Variants in MAP3K4 observed in about 807,000 individuals in gnomAD.
MAP3K4 encodes MAP three kinase 1.
Under a neutral mutation model 185.6 loss-of-function variants are expected in MAP3K4, and 67 were observed. The ratio of observed to expected loss-of-function variants is 0.36; its 90% CI spans 0.30 to 0.44. MAP3K4 has a LOEUF of 0.44. MAP3K4 is among the 20% of genes least tolerant of loss of function. The pLI is 1.00. For missense variants in MAP3K4, 1,551 were observed against 1,995.1 expected (o/e 0.78, Z 4.24); for synonymous variants, 702 against 710.4 (o/e 0.99, Z 0.19).
intron 1 of MAP3K4, among the ~76,000 whole-genome samples, chr6:161,012,815 G>A (rs942771981): frequency 2.6e-5 from 4 of 151,860 alleles, no homozygotes; most frequent in African/African-American, 4.8e-5. Context: ...GGTGGGAGGA[G>A]GTCCTTTAGG....
intron 2 of MAP3K4, among the ~76,000 whole-genome samples, chr6:161,039,675 T>G (rs929792277): frequency 1.3e-5 from 2 of 152,184 alleles, no homozygotes; most frequent in African/African-American, 2.4e-5. Flanking sequence ...AAATTAGAGA[T>G]AAAACATTGG....
chr6:161,033,529 A>G (rs1783024013), intron 1 of MAP3K4, among the ~76,000 whole-genome samples: 1 of 104,216 alleles, frequency 9.6e-6, no homozygotes, highest in African/African-American at 3.8e-5. Context: ...TTCCTCTTTT[A>G]CATCATCCTT....
Position 161,115,492 on chromosome 6 carries a change from C to T in MAP3K4, c.4806+190C>T, listed in dbSNP as rs1310494763. Among the ~76,000 whole-genome samples the T allele has an allele frequency of 6.6e-6, 1 of 152,132 alleles. No homozygotes were observed. The highest frequency in any genetic ancestry group is 2.4e-5 in the African/African-American group (1 of 41,414). ...GAAAATGTTCATTGAGGTTCTTCCACTTGATCTGTTTTGATGGTGCATTTA... is the reference window on the plus strand; with the variant it reads ...GAAAATGTTCATTGAGGTTCTTCCATTTGATCTGTTTTGATGGTGCATTTA... On this transcript the variant is annotated intron_variant, in intron 26 of 26. Transcript: ENST00000392142. This position sits in a 1 kb window ranked among gnomAD's most constrained non-coding sequence, Gnocchi z 6.0.
intron 1 of MAP3K4, among the ~76,000 whole-genome samples, chr6:161,018,232 A>C (rs1024146646): frequency 6.6e-6 from 1 of 152,208 alleles, no homozygotes; most frequent in Non-Finnish European, 1.5e-5. Flanking sequence ...GGAAGGAGTG[A>C]TCTAGAAAAA....
Position 161,117,015 on chromosome 6 carries a change from C to T in MAP3K4, c.*145C>T. On this transcript the variant is annotated 3_prime_UTR_variant, in exon 27 of 27. Transcript: ENST00000392142. The stretch of plus-strand genomic sequence containing the variant: ...CAGGTGACAAGCGTCACTTCTCCTG[C>T]TGCTCCTGTTTGTCTGATGTGGCAA... 2 of 736,648 alleles carry T rather than the reference C, an allele frequency of 2.7e-6. No individual in the cohort carries two copies. Among genetic ancestry groups the T allele is most frequent in the Non-Finnish European group, 2.3e-6 (1 of 444,120 alleles). The allele number at this position is 736,648 out of a possible 1,614,324, so 45.6% of individuals were successfully genotyped here.
intron 5 of MAP3K4, among the ~76,000 whole-genome samples, chr6:161,079,512 G>T (rs543282242): frequency 6.6e-6 from 1 of 152,336 alleles, no homozygotes; most frequent in African/African-American, 2.4e-5. Flanking sequence ...GGGAGGCAGA[G>T]GTTGCGGTGA....
Position 161,075,741 on chromosome 6 carries a change from AC to A in MAP3K4, c.2097+2130del, listed in dbSNP as rs1252357784. On this transcript the variant is annotated intron_variant, in intron 5 of 26. Transcript: ENST00000392142. The surrounding 1 kb of genome is among the most constrained non-coding windows in gnomAD (Gnocchi z 4.3). ...GAAGTCTAGGCTAAGTGACTTACCAACATTCACAGCTGGTTAGTTTTAGAAA... is the reference window on the plus strand; with the variant it reads ...GAAGTCTAGGCTAAGTGACTTACCAAATTCACAGCTGGTTAGTTTTAGAAA... Among the ~76,000 whole-genome samples the A allele has an allele frequency of 6.6e-6, 1 of 152,176 alleles. No individual in the cohort carries two copies. Among genetic ancestry groups the A allele is most frequent in the African/African-American group, 2.4e-5 (1 of 41,442 alleles).
chr6:161,015,137 T>C (rs938704876), intron 1 of MAP3K4, among the ~76,000 whole-genome samples: 1 of 152,208 alleles, frequency 6.6e-6, no homozygotes, highest in African/African-American at 2.4e-5. Context: ...TGTATCTTTG[T>C]CCATTTGTAT....
Position 161,054,106 on chromosome 6 carries a change from C to G in MAP3K4, c.1707+4127C>G, listed in dbSNP as rs921654164. On this transcript the variant is annotated intron_variant, in intron 3 of 26. Transcript: ENST00000392142. The surrounding 1 kb of genome is among the most constrained non-coding windows in gnomAD (Gnocchi z 4.2). ...TTACGTTACTTATAACCAGTGTTTG[C>G]AAAGCACATGTGATCTTACATTTAA... Among the ~76,000 whole-genome samples, 7 of 152,160 alleles carry G rather than the reference C, an allele frequency of 4.6e-5. No individual in the cohort carries two copies.
rs556320959 is a variant in MAP3K4, at chr6:161,106,383, T to C, written c.3857-131T>C. ...GAAGAACTTTAATTCACCTGCTGTT[T>C]ATCTGAATAGATAATAAGCTTTGCT... On this transcript the variant is annotated intron_variant, in intron 19 of 26. Coordinates refer to ENST00000392142, the MANE Select transcript of MAP3K4 (RefSeq NM_005922.4). The surrounding 1 kb of genome is among the most constrained non-coding windows in gnomAD (Gnocchi z 4.9). The C allele has an allele frequency of 1.6e-6, 1 of 611,466 alleles. No individual in the cohort carries two copies. Among genetic ancestry groups the C allele is most frequent in the Non-Finnish European group, 2.8e-6 (1 of 357,930 alleles). The allele number at this position is 611,466 out of a possible 1,614,324, so 37.9% of individuals were successfully genotyped here.
chr6:161,101,931 A>C lies in MAP3K4; in HGVS notation c.3714A>C (p.Ile1238=). 17 of 1,614,166 alleles carry C rather than the reference A, an allele frequency of 1.1e-5. No individual in the cohort carries two copies. Among genetic ancestry groups the C allele is most frequent in the Non-Finnish European group, 1.4e-5 (16 of 1,180,008 alleles). Residue 1238 remains isoleucine, a synonymous_variant, in exon 18 of 27, where the codon ATA becomes ATC. Transcript: ENST00000392142. This position sits in a 1 kb window ranked among gnomAD's most constrained non-coding sequence, Gnocchi z 5.1. ...SVPENDRLAS[I]AAELQFRSLS... is the part of the protein sequence containing the mutation. ...CTGAAAATGATCGATTGGCTTCCATAGCTGCTGAATTGCAGTTTAGGTCCC... is the reference window on the plus strand; with the variant it reads ...CTGAAAATGATCGATTGGCTTCCATCGCTGCTGAATTGCAGTTTAGGTCCC...
intron 15 of MAP3K4, among the ~76,000 whole-genome samples, chr6:161,095,672 A>G (rs1219840731): frequency 1.3e-5 from 2 of 152,172 alleles, no homozygotes; most frequent in African/African-American, 2.4e-5. Flanking sequence ...TTCATTGGCC[A>G]CACTGTGGCC....
Position 161,107,818 on chromosome 6 carries a change from G to A in MAP3K4, c.4049-81G>A. 1.1e-6 allele frequency: 1 copy of A among 899,646 alleles called. No individual in the cohort carries two copies. The highest frequency in any genetic ancestry group is 2.2e-4 in the Middle Eastern group (1 of 4,512). The allele number at this position is 899,646 out of a possible 1,614,324, so 55.7% of individuals were successfully genotyped here. A position where few individuals can be genotyped will look rare whatever the true frequency, so the allele number is the denominator to read the frequency against. On this transcript the variant is annotated intron_variant, in intron 20 of 26. Coordinates refer to ENST00000392142, the MANE Select transcript of MAP3K4 (RefSeq NM_005922.4). This position sits in a 1 kb window ranked among gnomAD's most constrained non-coding sequence, Gnocchi z 6.2. ...TATAAATATACGTCCAAAATAATTGGACAGTATTATTACAAGTTTAAGGAA... is the reference window on the plus strand; with the variant it reads ...TATAAATATACGTCCAAAATAATTGAACAGTATTATTACAAGTTTAAGGAA...
chr6:161,099,254 C>A (rs748404817), intron 17 of MAP3K4, among the ~76,000 whole-genome samples: 2 of 152,150 alleles, frequency 1.3e-5, no homozygotes, highest in African/African-American at 2.4e-5. Context: ...CTGTGTTCAG[C>A]CCCGAGGAGA....
chr6:161,080,829 G>T lies in MAP3K4; in HGVS notation c.2098-52G>T. ...TGTGTAGCTTTCAGGTGAGAGCGCT[G>T]AGTTGCCAAGTTCTACTTTCAAATG... On this transcript the variant is annotated intron_variant, in intron 5 of 26. Coordinates refer to ENST00000392142, the MANE Select transcript of MAP3K4 (RefSeq NM_005922.4). This position sits in a 1 kb window ranked among gnomAD's most constrained non-coding sequence, Gnocchi z 4.8. 1.3e-6 allele frequency: 2 copies of T among 1,555,312 alleles called. No individual in the cohort carries two copies. The highest frequency in any genetic ancestry group is 1.8e-6 in the Non-Finnish European group (2 of 1,134,686).
At chr6:161,068,881 G>T (rs569040141) in intron 3 of MAP3K4, among the ~76,000 whole-genome samples, 24 of 152,306 alleles carry the variant, frequency 1.6e-4, no homozygotes, top group African/African-American at 5.8e-4. Flanking sequence ...GTAAAAATTA[G>T]TCCACTCTGC....
intron 19 of MAP3K4, among the ~76,000 whole-genome samples, chr6:161,105,731 G>T (rs1303966875): frequency 1.3e-5 from 2 of 152,210 alleles, no homozygotes; most frequent in Non-Finnish European, 2.9e-5. Context: ...TTTCAGTTTG[G>T]CTAGTGTGAA....
chr6:161,068,685 A>G (rs952851690), intron 3 of MAP3K4, among the ~76,000 whole-genome samples: 1 of 152,228 alleles, frequency 6.6e-6, no homozygotes, highest in African/African-American at 2.4e-5. Context: ...GGCAGAGGGT[A>G]GAGGAGAAGG....
Position 161,073,372 on chromosome 6 carries a change from C to T in MAP3K4, c.1951-94C>T. 1 of 1,291,004 alleles carries T rather than the reference C, an allele frequency of 7.7e-7. No homozygotes were observed. The highest frequency in any genetic ancestry group is 1.0e-6 in the Non-Finnish European group (1 of 964,642). 80.0% of individuals were successfully genotyped at this position (1,291,004 alleles called of 1,614,324 possible). A position where few individuals can be genotyped will look rare whatever the true frequency, so the allele number is the denominator to read the frequency against. On this transcript the variant is annotated intron_variant, in intron 4 of 26. Transcript: ENST00000392142. This position sits in a 1 kb window ranked among gnomAD's most constrained non-coding sequence, Gnocchi z 4.2. ...AGGTTTTTTAGAGGCAAGGTTCCCT[C>T]TGAGTTTTTTGAAGATTTAAGTAGG...
Sources: gnomAD v4.1 joint callset for allele counts (sites outside exome capture counted in the v4.1 genomes callset) on GRCh38, gnomAD v4.1.1 for gene constraint, Gnocchi (gnomAD v3.1) non-coding constraint, MANE v1.5 for transcripts, NCBI Gene and HGNC (gene_info 2026-07-23, HGNC 2026-07-21) for gene names.